Variants in TENM1 observed in about 807,000 individuals in gnomAD.
The protein encoded by TENM1 is teneurin transmembrane protein 1.
TENM1 carries 35 observed loss-of-function variants against 174.8 expected under a neutral mutation model. That is an observed-to-expected ratio of 0.20 (90% CI 0.15 to 0.27). The LOEUF (loss-of-function observed/expected upper bound fraction) is 0.27, where lower values mean the gene tolerates loss of function less well. Among genes scored for constraint, TENM1 ranks in the 10% least tolerant of loss-of-function variants. TENM1 has a pLI of 1.00. For synonymous variants in TENM1, 781 were observed against 798.7 expected, an observed-to-expected ratio of 0.98 and a Z score of 0.37; for missense variants, 1,633 against 2,130.1, an observed-to-expected ratio of 0.77 and a Z score of 4.59.
intron 15 of TENM1, among the ~76,000 whole-genome samples, 163 bp downstream of exon 18, chrX:124,546,711 C>A (rs1439425382): frequency 1.8e-5 from 2 of 111,247 alleles, no homozygotes; most frequent in Non-Finnish European, 3.8e-5. Flanking sequence ...GAGTTTTTTC[C>A]TTAATCAGTA....
At chrX:124,966,676 A>C (rs5911929), upstream of TENM1, among the ~76,000 whole-genome samples, 36 of 110,307 alleles carry the variant, frequency 3.3e-4, no homozygotes, top group Non-Finnish European at 7.6e-5. Context: ...AAAAAAAAAA[A>C]CCAAAAAATG....
intron 3 of TENM1, among the ~76,000 whole-genome samples, chrX:124,889,111 A>C (rs1326790807): frequency 8.9e-6 from 1 of 111,986 alleles, no homozygotes; most frequent in East Asian, 2.8e-4. Flanking sequence ...TATTAACTAA[A>C]GTGTATTAAA....
At chrX:124,585,539 G>C (rs1396548280) in intron 11 of TENM1, among the ~76,000 whole-genome samples, 1 of 111,675 alleles carries the variant, frequency 9.0e-6, no homozygotes, top group African/African-American at 3.3e-5. Flanking sequence ...TCAAAGCAGT[G>C]TGTAGATGGA....
At chrX:125,047,777 C>A in the TENM1 span, among the ~76,000 whole-genome samples, 1 of 111,545 alleles carries the variant, frequency 9.0e-6, no homozygotes, top group Non-Finnish European at 1.9e-5. Context: ...CAACTCCAAT[C>A]CAAAAATTCC....
the TENM1 span, among the ~76,000 whole-genome samples, chrX:125,140,529 GGC>G: frequency 1.3e-4 from 15 of 111,339 alleles, no homozygotes; most frequent in Admixed American, 9.6e-5. Context: ...AATGTTTGAT[GGC>G]GGAGTAGGAT....
rs756904130 is a variant in TENM1, at chrX:124,748,211, TA to T, written c.536-11015del. On this transcript the variant is annotated intron_variant, in intron 3 of 31. Coordinates refer to ENST00000422452, the Ensembl canonical transcript of TENM1. ...CTTCAAATTCTTGCCCTGGCAGCAC[TA>T]GGGCAATTTCCTCTTTTCCATACTT... Among the ~76,000 whole-genome samples the T allele has an allele frequency of 9.3e-4, 104 of 111,482 alleles. No homozygotes were observed. In the South Asian group the frequency reaches 0.039, roughly 42 times the overall value.
chrX:124,387,907 A>G (rs1009957737), intron 28 of TENM1, among the ~76,000 whole-genome samples: 7 of 112,123 alleles, frequency 6.2e-5, no homozygotes, highest in African/African-American at 1.9e-4. Context: ...AAGGAAGGAG[A>G]CTTGGAAATC....
chrX:125,196,263 C>T, the TENM1 span, among the ~76,000 whole-genome samples: 2 of 110,680 alleles, frequency 1.8e-5, no homozygotes, highest in African/African-American at 6.6e-5. Context: ...TTGCTTAAAG[C>T]TTTAAGCGTA....
chrX:125,052,400 T>C, the TENM1 span, among the ~76,000 whole-genome samples: 1 of 111,995 alleles, frequency 8.9e-6, no homozygotes, highest in East Asian at 2.8e-4. Flanking sequence ...AACTGAATGC[T>C]GTCCTTTTCA....
chrX:124,960,141 G>A (rs982323192), intron 1 of TENM1, among the ~76,000 whole-genome samples: 2 of 111,888 alleles, frequency 1.8e-5, no homozygotes, highest in African/African-American at 3.2e-5. Context: ...TTGGGCATGC[G>A]CGACTTCACA....
At chrX:125,173,507 T>G in the TENM1 span, among the ~76,000 whole-genome samples, 31 of 111,019 alleles carry the variant, frequency 2.8e-4, no homozygotes, top group African/African-American at 1.0e-3. Flanking sequence ...TGGGAATCCA[T>G]CAGTGTTAAA....
At position 124,707,709 on chromosome X, in the gene TENM1, C is replaced by A. The variant is rs145783511; in HGVS notation, c.777-2458G>T. 7.6e-3 allele frequency among the ~76,000 whole-genome samples: 850 copies of A among 112,194 alleles called. 6 individuals are homozygous for A. Among genetic ancestry groups the A allele is most frequent in the African/African-American group, 0.026 (788 of 30,865 alleles). On this transcript the variant is annotated intron_variant, in intron 4 of 31. Transcript: ENST00000422452. ...ACAGGAATTTTCATGAATATTCTAC[C>A]CCTTGAATAAACAAACCCCAAAAGG...
chrX:125,168,438 T>C, the TENM1 span, among the ~76,000 whole-genome samples: 4 of 111,828 alleles, frequency 3.6e-5, no homozygotes, highest in Non-Finnish European at 7.5e-5. Flanking sequence ...CACATTCTAG[T>C]ATGACACTCA....
chrX:124,383,285 C>T (rs972730573), intron 30 of TENM1, among the ~76,000 whole-genome samples: 7 of 111,253 alleles, frequency 6.3e-5, no homozygotes, highest in Admixed American at 9.6e-5. Context: ...AACACCTGAT[C>T]CTCTCTCTAC....
At chrX:125,150,759 G>T in the TENM1 span, among the ~76,000 whole-genome samples, 7 of 112,635 alleles carry the variant, frequency 6.2e-5, no homozygotes, top group African/African-American at 2.3e-4. Flanking sequence ...ATTCATAAAA[G>T]ATTGGGTAAA....
chrX:124,603,933 T>G (rs926391925), intron 11 of TENM1, among the ~76,000 whole-genome samples: 1 of 111,450 alleles, frequency 9.0e-6, no homozygotes, highest in Non-Finnish European at 1.9e-5. Context: ...CTTTTTTTAT[T>G]TAAGCTATTT....
At chrX:124,698,349 C>G (rs947377796) in intron 5 of TENM1, among the ~76,000 whole-genome samples, 15 of 111,046 alleles carry the variant, frequency 1.4e-4, no homozygotes, top group Non-Finnish European at 2.7e-4. Context: ...TACCCAGTCC[C>G]TAAGCCAGAT....
chrX:125,003,399 T>A, the TENM1 span, among the ~76,000 whole-genome samples: 4 of 111,934 alleles, frequency 3.6e-5, no homozygotes, highest in African/African-American at 6.5e-5. Context: ...GTCCCCATAT[T>A]TCCATTTCCT....
At chrX:124,635,322 TC>T (rs2050854378) in intron 11 of TENM1, among the ~76,000 whole-genome samples, 1 of 112,306 alleles carries the variant, frequency 8.9e-6, no homozygotes, top group Admixed American at 9.4e-5. Flanking sequence ...TGGACACATG[TC>T]ATAGGATAGT....
Sources: gnomAD v4.1 joint callset for allele counts (sites outside exome capture counted in the v4.1 genomes callset) on GRCh38, gnomAD v4.1.1 for gene constraint, MANE v1.5 for transcripts, NCBI Gene and HGNC (gene_info 2026-07-23, HGNC 2026-07-21) for gene names.